Variants in SMG9 observed in about 807,000 individuals in gnomAD.
The protein encoded by SMG9 is nonsense-mediated mRNA decay factor SMG9.
SMG9 carries 55 observed loss-of-function variants against 64.0 expected under a neutral mutation model. That is an observed-to-expected ratio of 0.86 (90% confidence interval 0.69 to 1.08). SMG9 has a LOEUF of 1.08. Ranked by LOEUF, SMG9 falls within the 50% of genes least tolerant of loss-of-function variation. The probability of loss-of-function intolerance (pLI) is 0.00; values close to 1 mark genes in which losing one functional copy is unlikely to be tolerated. For synonymous variants in SMG9, 244 were observed against 254.8 expected (o/e 0.96, Z 0.41); for missense variants, 554 against 681.3 (o/e 0.81, Z 2.08).
At chr19:43,747,377 G>T in intron 5 of SMG9, 65 bp downstream of exon 5, 1 of 1,526,250 alleles carries the variant, frequency 6.6e-7, no homozygotes. Context: ...GTTGCCTACA[G>T]AGAGGTGGAA....
At chr19:43,746,518 A>G (rs1453306127) in intron 5 of SMG9, among the ~76,000 whole-genome samples, 1 of 152,022 alleles carries the variant, frequency 6.6e-6, no homozygotes, top group Non-Finnish European at 1.5e-5. Flanking sequence ...GTTAATTCCA[A>G]TGTGAGAGTG....
chr19:43,747,096 G>A (rs1388360999), intron 5 of SMG9, among the ~76,000 whole-genome samples: 1 of 152,140 alleles, frequency 6.6e-6, no homozygotes, highest in East Asian at 1.9e-4. Flanking sequence ...GGGATTACAG[G>A]CATGAGCCAC....
intron 10 of SMG9, chr19:43,734,093 T>C (rs912949902): frequency 3.7e-6 from 2 of 535,476 alleles, no homozygotes; most frequent in Admixed American, 6.5e-5. Flanking sequence ...CCCAACCTAA[T>C]ACTCACTTCC....
chr19:43,734,966 G>A (rs1968609368), intron 9 of SMG9: 1 of 153,750 alleles, frequency 6.5e-6, no homozygotes, highest in African/African-American at 2.4e-5. Flanking sequence ...AATGTATAAA[G>A]GTGTGTGTCT....
chr19:43,749,883 T>C (rs1311364321), intron 2 of SMG9, among the ~76,000 whole-genome samples: 1 of 152,226 alleles, frequency 6.6e-6, no homozygotes, highest in African/African-American at 2.4e-5. Context: ...TTATTGACTC[T>C]GATTTTGGAA....
intron 7 of SMG9, 95 bp from the exon 8 acceptor site, chr19:43,738,312 G>A: frequency 8.9e-7 from 1 of 1,122,230 alleles, no homozygotes; most frequent in Admixed American, 2.0e-5. Flanking sequence ...AACAAGGTCA[G>A]AAACAAAGGC....
At position 43,747,899 on chromosome 19, in the gene SMG9, T is replaced by C; in HGVS notation, c.226-2A>G. ...TGTTGGAGGTGGTGGCTGTTTTGAC[T>C]ACGGAGGTAAAAAAAATCCCATCAA... On this transcript the variant is annotated splice_acceptor_variant, in intron 3 of 13. Transcript: ENST00000270066. LOFTEE classifies it high-confidence loss of function. 2 of 1,613,290 alleles carry C rather than the reference T, an allele frequency of 1.2e-6. No individual in the cohort carries two copies. Among genetic ancestry groups the C allele is most frequent in the Non-Finnish European group, 1.7e-6 (2 of 1,179,660 alleles).
In SMG9 at chr19:43,747,828, C is replaced by T. The variant is rs1245677663; in HGVS notation, c.295G>A (p.Val99Ile). Residue 99 changes from valine (V) to isoleucine (I), a missense_variant, in exon 4 of 14, where the codon GTT becomes ATT. Physicochemically the swap from Val to Ile is conservative, Grantham distance 29 (BLOSUM62 3). Coordinates refer to ENST00000270066, the MANE Select transcript of SMG9 (RefSeq NM_019108.4). ...CCCTCCTCCCGTGGCTTCATGAGAA[C>T]GATGGGCTTCTCCAGAGGGGCTGGA... ...PAPAPLEKPI[V>I]LMKPREEGKG... 11 of 1,605,312 alleles carry T rather than the reference C, an allele frequency of 6.9e-6. No individual in the cohort carries two copies. Among genetic ancestry groups the T allele is most frequent in the Non-Finnish European group, 8.5e-6 (10 of 1,175,338 alleles).
Position 43,744,799 on chromosome 19 carries a change from GACA to G in SMG9, c.671_673del (p.Leu224del). ...CTGGTCCTCCTCTGGAGTGTTGGCTGACAACAATGACATGACCATGGACTTGCC... is the reference window on the plus strand; with the variant it reads ...CTGGTCCTCCTCTGGAGTGTTGGCTGACAATGACATGACCATGGACTTGCC... On this transcript the variant is annotated inframe_deletion, in exon 6 of 14. Transcript: ENST00000270066. 1 of 1,613,676 alleles carries G rather than the reference GACA, an allele frequency of 6.2e-7. No homozygotes were observed. The highest frequency in any genetic ancestry group is 8.5e-7 in the Non-Finnish European group (1 of 1,179,784).
rs376425292 is a variant in SMG9, at chr19:43,752,689, G to A, written c.-6-1942C>T. 2.6e-5 allele frequency among the ~76,000 whole-genome samples: 4 copies of A among 152,214 alleles called. No homozygotes were observed. The East Asian group carries it at 7.7e-4, about 29-fold the overall frequency. Reference sequence around the variant, plus strand: ...GAGACAGGAGGACTGCTTCAGCCCAGGAGTTCGAGACCAGCTTGGGCAACA... The same window carrying A: ...GAGACAGGAGGACTGCTTCAGCCCAAGAGTTCGAGACCAGCTTGGGCAACA... On this transcript the variant is annotated intron_variant, in intron 1 of 13. Coordinates refer to ENST00000270066, the MANE Select transcript of SMG9 (RefSeq NM_019108.4).
chr19:43,735,128 T>C (rs1968614790), intron 9 of SMG9, among the ~76,000 whole-genome samples: 1 of 152,226 alleles, frequency 6.6e-6, no homozygotes, highest in South Asian at 2.1e-4. Flanking sequence ...TACAAGTATA[T>C]AGCATTTTCA....
At position 43,734,372 on chromosome 19, in the gene SMG9, C is replaced by T; in HGVS notation, c.1102+17G>A. 6.5e-7 allele frequency: 1 copy of T among 1,545,436 alleles called. No homozygotes were observed. The highest frequency in any genetic ancestry group is 8.8e-7 in the Non-Finnish European group (1 of 1,141,674). On this transcript the variant is annotated intron_variant, in intron 10 of 13. Transcript: ENST00000270066. ...TTTCCTCCTGCCCACCCCTCCAGTC[C>T]CCAGAAAGCCTCTCACCTAGGTGGG...
rs761298463 is a variant in SMG9, at chr19:43,733,360, C to T, written c.1303G>A (p.Asp435Asn). The T allele has an allele frequency of 6.2e-7, 1 of 1,614,126 alleles. No homozygotes were observed. Among genetic ancestry groups the T allele is most frequent in the African/African-American group, 1.3e-5 (1 of 75,024 alleles). ...GGGTTTTCACTCTCTGCTTCACTGTCCATGAAGGGTACCAGGAATAAGTTG... is the reference window on the plus strand; with the variant it reads ...GGGTTTTCACTCTCTGCTTCACTGTTCATGAAGGGTACCAGGAATAAGTTG... ...EVNLFLVPFM[D>N]SEAESENPPR... Residue 435 changes from aspartate (D) to asparagine (N), a missense_variant, in exon 12 of 14, where the codon GAC becomes AAC. Physicochemically the swap from Asp to Asn is conservative, Grantham distance 23 (BLOSUM62 1). Coordinates refer to ENST00000270066, the MANE Select transcript of SMG9 (RefSeq NM_019108.4).
chr19:43,746,710 T>A (rs1050516861), intron 5 of SMG9, among the ~76,000 whole-genome samples: 6 of 146,546 alleles, frequency 4.1e-5, no homozygotes, highest in African/African-American at 1.5e-4. Flanking sequence ...TATGATGATC[T>A]AGGAATGTGA....
chr19:43,750,393 A>G (rs1379778158), intron 2 of SMG9, 199 bp downstream of exon 2: 1 of 721,020 alleles, frequency 1.4e-6, no homozygotes. Flanking sequence ...CTCTGCTAAA[A>G]AGTCACCTCT....
At chr19:43,746,001 C>CA (rs1011896711) in intron 5 of SMG9, among the ~76,000 whole-genome samples, 3 of 145,898 alleles carry the variant, frequency 2.1e-5, no homozygotes, top group African/African-American at 5.1e-5. Flanking sequence ...AATTCCATCA[C>CA]AAAAAAACAA....
chr19:43,733,332 G>A lies in SMG9; in HGVS notation c.1331C>T (p.Pro444Leu). The A allele has an allele frequency of 6.2e-7, 1 of 1,613,938 alleles. No individual in the cohort carries two copies. Among genetic ancestry groups the A allele is most frequent in the Non-Finnish European group, 8.5e-7 (1 of 1,179,984 alleles). ...GTTGAGGGTAACTGTACCTGCTCTT[G>A]GTGGGTTTTCACTCTCTGCTTCACT... ...MDSEAESENP[P>L]RAGPGSSPLF... The change falls in exon 12 of 14, where the codon CCA becomes CTA. Residue 444 changes from proline (P) to leucine (L), a missense_variant. Pro to Leu is a moderately conservative substitution (Grantham distance 98). Coordinates refer to ENST00000270066, the MANE Select transcript of SMG9 (RefSeq NM_019108.4).
rs772414406 is a variant in SMG9, at chr19:43,737,690, T to C, written c.910-8A>G. On this transcript the variant is annotated splice_polypyrimidine_tract_variant and splice_region_variant and intron_variant, in intron 8 of 13. Coordinates refer to ENST00000270066, the MANE Select transcript of SMG9 (RefSeq NM_019108.4). The stretch of plus-strand genomic sequence containing the variant: ...GGCAGCAATCTGGAGTGACTGAGGG[T>C]GGGCAGGATGGAAGGGAGGTGAGGA... 1 of 1,613,326 alleles carries C rather than the reference T, an allele frequency of 6.2e-7. No individual in the cohort carries two copies. Among genetic ancestry groups the C allele is most frequent in the East Asian group, 2.2e-5 (1 of 44,874 alleles).
chr19:43,747,575 G>C (rs1329939342), intron 4 of SMG9, 36 bp from the exon 5 acceptor site: 27 of 1,613,978 alleles, frequency 1.7e-5, no homozygotes, highest in Non-Finnish European at 1.9e-5. Context: ...AGAGGATGCA[G>C]TGAGGATCTG....
Sources: allele counts gnomAD v4.1 joint callset (sites outside exome capture counted in the v4.1 genomes callset), GRCh38; gene constraint gnomAD v4.1.1; transcripts MANE v1.5; gene names NCBI Gene and HGNC (gene_info 2026-07-23, HGNC 2026-07-21).